Variants in GLT1D1 observed in about 807,000 individuals in gnomAD.
GLT1D1 encodes the protein glycosyltransferase 1 domain-containing protein 1.
In GLT1D1, 21 loss-of-function variants were observed where a neutral mutation model predicts 28.7. That is an observed-to-expected ratio of 0.73 (90% CI 0.52 to 1.05). The LOEUF (loss-of-function observed/expected upper bound fraction) is 1.05. Among genes scored for constraint, GLT1D1 ranks in the 50% least tolerant of loss-of-function variants. The pLI is 0.00. For missense variants in GLT1D1, 343 were observed against 330.6 expected (o/e 1.04, Z -0.29); for synonymous variants, 147 against 124.8 (o/e 1.18, Z -1.19).
Position 128,939,846 on chromosome 12 carries a change from CA to C in GLT1D1, c.376-5479del, listed in dbSNP as rs869247519. ...TGCCAAATTGTTAGAAACCCCCCCC[CA>C]CCGCCGATCCAATCACCTCCTACCA... On this transcript the variant is annotated intron_variant, in intron 4 of 7. Coordinates refer to ENST00000281703, the MANE Select transcript of GLT1D1 (RefSeq NM_144669.3). Among the ~76,000 whole-genome samples the C allele has an allele frequency of 6.7e-3, 879 of 130,964 alleles. 84 individuals carry two copies. The highest frequency in any genetic ancestry group is 8.6e-3 in the Non-Finnish European group (499 of 57,974). 85.9% of individuals were successfully genotyped at this position (130,964 alleles called of 152,430 possible).
chr12:128,853,538 C>A lies in GLT1D1; in HGVS notation c.-44C>A. On this transcript the variant is annotated 5_prime_UTR_variant, in exon 1 of 8. Transcript: ENST00000281703. The stretch of plus-strand genomic sequence containing the variant: ...GTCTGCGCCGGCCCCGGGGCCTGGT[C>A]GGCGGCGGCGGGGCCGGTCGATGGC... The A allele has an allele frequency of 1.9e-6, 2 of 1,032,282 alleles. No individual in the cohort carries two copies. Among genetic ancestry groups the A allele is most frequent in the South Asian group, 8.7e-5 (2 of 22,972 alleles). 63.9% of individuals were successfully genotyped at this position (1,032,282 alleles called of 1,614,324 possible). A position where few individuals can be genotyped will look rare whatever the true frequency, so the allele number is the denominator to read the frequency against.
chr12:128,894,160 T>A (rs1234199825), intron 3 of GLT1D1, among the ~76,000 whole-genome samples: 4 of 152,086 alleles, frequency 2.6e-5, no homozygotes, highest in Admixed American at 2.6e-4. Context: ...GTATGGTGCT[T>A]GGATTATGAA....
chr12:128,873,829 CCCTT>C (rs1348412895), intron 1 of GLT1D1, among the ~76,000 whole-genome samples: 3 of 147,114 alleles, frequency 2.0e-5, no homozygotes, highest in East Asian at 2.0e-4. Flanking sequence ...CTTTCTTTCC[CCCTT>C]CCTTCCTTCC....
At chr12:128,899,322 GC>G in intron 4 of GLT1D1, 35 bp downstream of exon 4, 1 of 1,589,778 alleles carries the variant, frequency 6.3e-7, no homozygotes, top group Non-Finnish European at 8.6e-7. Context: ...TTTTGGTTGT[GC>G]TGATGAAATT....
chr12:128,962,993 C>A (rs1047191783), intron 7 of GLT1D1, among the ~76,000 whole-genome samples: 4 of 152,140 alleles, frequency 2.6e-5, no homozygotes, highest in Admixed American at 2.6e-4. Flanking sequence ...AGCCACCGCG[C>A]CCAGCCAAAA....
At chr12:128,855,585 G>A (rs931409422) in intron 1 of GLT1D1, among the ~76,000 whole-genome samples, 3 of 152,018 alleles carry the variant, frequency 2.0e-5, no homozygotes, top group Admixed American at 6.6e-5. Flanking sequence ...AACTGTTAAC[G>A]GAAAGAGGTC....
chr12:128,876,107 A>C (rs1956864351), intron 2 of GLT1D1, 45 bp downstream of exon 2: 1 of 1,555,764 alleles, frequency 6.4e-7, no homozygotes, highest in Non-Finnish European at 8.7e-7. Context: ...AAATTCTGAA[A>C]ACCGGAAGTG....
At position 128,863,924 on chromosome 12, in the gene GLT1D1, C is replaced by T. The variant is rs549860321; in HGVS notation, c.68+10275C>T. ...TCGTGCCACTGCACTCCAGCCTGGG[C>T]GACAGAGCAAGACTCCATCTCAAAA... On this transcript the variant is annotated intron_variant, in intron 1 of 7. Coordinates refer to ENST00000281703, the MANE Select transcript of GLT1D1 (RefSeq NM_144669.3). 2.3e-4 allele frequency among the ~76,000 whole-genome samples: 29 copies of T among 125,284 alleles called. No homozygotes were observed. The South Asian group carries it at 6.0e-3, about 26-fold the overall frequency. 82.2% of individuals were successfully genotyped at this position (125,284 alleles called of 152,430 possible). A position where few individuals can be genotyped will look rare whatever the true frequency, so the allele number is the denominator to read the frequency against.
intron 1 of GLT1D1, among the ~76,000 whole-genome samples, chr12:128,861,085 C>CT (rs1956354242): frequency 6.6e-6 from 1 of 151,806 alleles, no homozygotes; most frequent in Non-Finnish European, 1.5e-5. Context: ...AGGGTGCCCC[C>CT]CGTTATGCTA....
chr12:128,893,688 C>T (rs963837243), intron 3 of GLT1D1, among the ~76,000 whole-genome samples: 22 of 152,044 alleles, frequency 1.4e-4, no homozygotes, highest in Non-Finnish European at 2.4e-4. Context: ...TGGGTTCAGG[C>T]GATTCACCTG....
At chr12:128,883,199 G>A (rs1957098699) in intron 2 of GLT1D1, among the ~76,000 whole-genome samples, 1 of 150,834 alleles carries the variant, frequency 6.6e-6, no homozygotes, top group Admixed American at 6.6e-5. Flanking sequence ...GCTGGGATTA[G>A]AGGCGTGAGC....
intron 1 of GLT1D1, among the ~76,000 whole-genome samples, chr12:128,860,785 A>G (rs1956342556): frequency 6.6e-6 from 1 of 152,066 alleles, no homozygotes; most frequent in African/African-American, 2.4e-5. Flanking sequence ...TGTAGGGCAC[A>G]CCTGGTGGTG....
intron 4 of GLT1D1, among the ~76,000 whole-genome samples, chr12:128,909,513 C>T (rs1220275030): frequency 6.6e-6 from 1 of 152,128 alleles, no homozygotes; most frequent in African/African-American, 2.4e-5. Context: ...GTAGTTTTTA[C>T]AAAGCCACAG....
At chr12:128,974,917 G>C (rs1004481879) in intron 7 of GLT1D1, among the ~76,000 whole-genome samples, 1 of 152,242 alleles carries the variant, frequency 6.6e-6, no homozygotes, top group African/African-American at 2.4e-5. Flanking sequence ...CGCTAAAGAA[G>C]TGTTGAAGAA....
At chr12:128,905,115 G>A (rs771984648) in intron 4 of GLT1D1, among the ~76,000 whole-genome samples, 1 of 152,090 alleles carries the variant, frequency 6.6e-6, no homozygotes, top group Admixed American at 6.6e-5. Context: ...CACCACTTAC[G>A]CCGTTTCCCA....
intron 1 of GLT1D1, among the ~76,000 whole-genome samples, chr12:128,858,165 A>G (rs144567477): frequency 5.9e-5 from 9 of 152,220 alleles, no homozygotes; most frequent in Non-Finnish European, 1.2e-4. Context: ...TTCCTGTCTA[A>G]GGGGTCTGGG....
chr12:128,888,589 A>G (rs1868662556), intron 2 of GLT1D1, 50 bp from the exon 3 acceptor site: 1 of 1,216,206 alleles, frequency 8.2e-7, no homozygotes, highest in Non-Finnish European at 1.2e-6. Flanking sequence ...TGGTTGGTGA[A>G]GGCTGTTTTT....
chr12:128,961,507 A>ATGGCAACGTGGTTGGAAC (rs1184784666), intron 7 of GLT1D1, among the ~76,000 whole-genome samples: 3 of 152,212 alleles, frequency 2.0e-5, no homozygotes, highest in Non-Finnish European at 4.4e-5. Flanking sequence ...CATGTCATTT[A>ATGGCAACGTGGTTGGAAC]TGGCAACGTG....
intron 6 of GLT1D1, among the ~76,000 whole-genome samples, chr12:128,956,587 C>G (rs988452222): frequency 5.3e-5 from 8 of 152,164 alleles, no homozygotes; most frequent in African/African-American, 1.9e-4. Flanking sequence ...CCGATCCTCA[C>G]CTGAATCACT....
Sources: gnomAD v4.1 joint callset for allele counts (sites outside exome capture counted in the v4.1 genomes callset) on GRCh38, gnomAD v4.1.1 for gene constraint, MANE v1.5 for transcripts, NCBI Gene and HGNC (gene_info 2026-07-23, HGNC 2026-07-21) for gene names.